NCKAP1: variants seen among roughly 807,000 people sequenced by gnomAD.
NCKAP1 encodes NCK associated protein 1, also known as nck-associated protein 1.
Under a neutral mutation model 151.2 loss-of-function variants are expected in NCKAP1, and 21 were observed. The observed-to-expected ratio is 0.14, with a 90% confidence interval of 0.10 to 0.20. NCKAP1 has a LOEUF of 0.20. Ranked by LOEUF, NCKAP1 falls within the 10% of genes least tolerant of loss-of-function variation. The probability of loss-of-function intolerance (pLI) is 1.00; values close to 1 mark genes in which losing one functional copy is unlikely to be tolerated. For missense variants in NCKAP1, 933 were observed against 1,352.1 expected (o/e 0.69, Z 4.86); for synonymous variants, 484 against 451.8 (o/e 1.07, Z -0.90).
rs1217927872 is a variant in NCKAP1 at position 182,912,968 on chromosome 2, C to T, written c.*12734G>A. The T allele has an allele frequency of 1.3e-5, 2 of 152,188 alleles. No individual in the cohort carries two copies. The highest frequency in any genetic ancestry group is 1.3e-4 in the Admixed American group (2 of 15,278). 9.4% of individuals were successfully genotyped at this position (152,188 alleles called of 1,614,324 possible). A position where few individuals can be genotyped will look rare whatever the true frequency, so the allele number is the denominator to read the frequency against. ...TCATACTAATTTTCCAATGCATTCA[C>T]CTATCCATTGGCCATGGTTACTATC... On this transcript the variant is annotated 3_prime_UTR_variant, in exon 31 of 31. Transcript: ENST00000361354.
At chr2:182,964,630 G>A (rs748506887) in intron 17 of NCKAP1, 46 bp downstream of exon 17, 1 of 1,454,430 alleles carries the variant, frequency 6.9e-7, no homozygotes, top group Non-Finnish European at 9.1e-7. Context: ...GTTTGATCTA[G>A]TTTACTTTGC....
At chr2:183,033,850 A>G (rs1699051786) in intron 1 of NCKAP1, among the ~76,000 whole-genome samples, 1 of 152,202 alleles carries the variant, frequency 6.6e-6, no homozygotes, top group South Asian at 2.1e-4. Context: ...AAAGATGGGC[A>G]GACAGTGAAT....
intron 1 of NCKAP1, among the ~76,000 whole-genome samples, chr2:183,036,109 C>A (rs909972860): frequency 1.3e-5 from 2 of 152,064 alleles, no homozygotes; most frequent in Non-Finnish European, 2.9e-5. Flanking sequence ...GAGGCTGAAG[C>A]TTCCCAAAAC....
chr2:182,916,967 A>G lies in NCKAP1; in HGVS notation c.*8735T>C, dbSNP rs1696477700. 6.6e-6 allele frequency: 1 copy of G among 152,176 alleles called. No homozygotes were observed. Among genetic ancestry groups the G allele is most frequent in the Non-Finnish European group, 1.5e-5 (1 of 68,042 alleles). 9.4% of individuals were successfully genotyped at this position (152,176 alleles called of 1,614,324 possible). On this transcript the variant is annotated 3_prime_UTR_variant, in exon 31 of 31. Transcript: ENST00000361354. ...GCATGAGTGGAAGTTCTGATATTATAATACTCATAAAAGCCATGAAAAAAC... is the reference window on the plus strand; with the variant it reads ...GCATGAGTGGAAGTTCTGATATTATGATACTCATAAAAGCCATGAAAAAAC...
chr2:182,959,432 C>T (rs34873881), intron 18 of NCKAP1, among the ~76,000 whole-genome samples: 15,524 of 152,116 alleles, frequency 0.1, 1,112 homozygotes, highest in African/African-American at 0.2. Context: ...GCTGGTTCAA[C>T]ATATGCAAAT....
intron 2 of NCKAP1, among the ~76,000 whole-genome samples, chr2:183,005,609 T>C (rs1386177629): frequency 6.6e-6 from 1 of 152,102 alleles, no homozygotes; most frequent in Non-Finnish European, 1.5e-5. Flanking sequence ...CCCAAAGCCA[T>C]ATATAACTAG....
At chr2:183,022,225 T>G (rs1342805012) in intron 2 of NCKAP1, among the ~76,000 whole-genome samples, 1 of 152,164 alleles carries the variant, frequency 6.6e-6, no homozygotes, top group African/African-American at 2.4e-5. Flanking sequence ...TAAACTAAGC[T>G]TCAAAGATTC....
At chr2:182,993,924 A>G (rs1337619971) in intron 8 of NCKAP1, among the ~76,000 whole-genome samples, 1 of 152,236 alleles carries the variant, frequency 6.6e-6, no homozygotes, top group Non-Finnish European at 1.5e-5. Context: ...ACAAGCTATT[A>G]GAAGTCATAG....
chr2:183,007,082 A>G (rs894309089), intron 2 of NCKAP1, among the ~76,000 whole-genome samples: 1 of 152,134 alleles, frequency 6.6e-6, no homozygotes, highest in Non-Finnish European at 1.5e-5. Context: ...CGTGTCGGTC[A>G]GGCTGGTCTC....
chr2:183,012,462 T>C (rs1017893514), intron 2 of NCKAP1, among the ~76,000 whole-genome samples: 8 of 152,172 alleles, frequency 5.3e-5, no homozygotes, highest in Non-Finnish European at 8.8e-5. Flanking sequence ...GGACATCTGT[T>C]GTTCTTGGGA....
At position 182,971,372 on chromosome 2, in the gene NCKAP1, C is replaced by A. The variant is rs1417379959; in HGVS notation, c.1483-4011G>T. On this transcript the variant is annotated intron_variant, in intron 15 of 30. Transcript: ENST00000361354. ...TCCCACCACTGCACTCCAGCCTGGGCGACAGAGCGAGACTCCGTCTCAAAA... is the reference window on the plus strand; with the variant it reads ...TCCCACCACTGCACTCCAGCCTGGGAGACAGAGCGAGACTCCGTCTCAAAA... Among the ~76,000 whole-genome samples, 3 of 122,206 alleles carry A rather than the reference C, an allele frequency of 2.5e-5. No homozygotes were observed. In the South Asian group the frequency reaches 7.7e-4, roughly 32 times the overall value. The allele number at this position is 122,206 out of a possible 152,430, so 80.2% of individuals were successfully genotyped here. A position where few individuals can be genotyped will look rare whatever the true frequency, so the allele number is the denominator to read the frequency against.
At chr2:182,947,807 AG>A (rs1697138203) in intron 23 of NCKAP1, among the ~76,000 whole-genome samples, 1 of 152,208 alleles carries the variant, frequency 6.6e-6, no homozygotes, top group African/African-American at 2.4e-5. Flanking sequence ...TCAATGAGAC[AG>A]ACTAGTATAC....
chr2:183,024,920 A>G (rs1698867280), intron 1 of NCKAP1: 1 of 1,590,600 alleles, frequency 6.3e-7, no homozygotes, highest in Non-Finnish European at 8.6e-7. Context: ...GTTATGAAAC[A>G]TGAAACTGAT....
In NCKAP1 at chr2:183,003,322, G is replaced by C; in HGVS notation, c.223C>G (p.Gln75Glu). ...PAVETRNNNQ[Q>E]LAQLQKEKSE... ...TTTTCTTTCTGTAGTTGTGCAAGCT[G>C]TTGCTGTAAAAACAAAATTAGAATG... The change falls in exon 3 of 31, where the codon CAG becomes GAG. Residue 75 changes from glutamine (Q) to glutamate (E), a missense_variant. Physicochemically the swap from Gln to Glu is conservative, Grantham distance 29. Transcript: ENST00000361354. 1 of 1,587,428 alleles carries C rather than the reference G, an allele frequency of 6.3e-7. No homozygotes were observed. Among genetic ancestry groups the C allele is most frequent in the Non-Finnish European group, 8.6e-7 (1 of 1,167,178 alleles).
At chr2:182,962,380 C>G in intron 17 of NCKAP1, 102 bp from the exon 18 acceptor site, 3 of 1,131,140 alleles carry the variant, frequency 2.7e-6, no homozygotes, top group Non-Finnish European at 3.6e-6. Context: ...AAGGTACATT[C>G]CGCAATAGTG....
chr2:182,987,167 G>C (rs1313443079), intron 9 of NCKAP1, among the ~76,000 whole-genome samples: 1 of 152,078 alleles, frequency 6.6e-6, no homozygotes. Context: ...ACTTGATGCC[G>C]TGAGGCAGAG....
At chr2:182,968,660 A>G (rs1477614925) in intron 15 of NCKAP1, among the ~76,000 whole-genome samples, 3 of 152,212 alleles carry the variant, frequency 2.0e-5, no homozygotes, top group Admixed American at 6.5e-5. Context: ...GCTCCTCTGT[A>G]CCACACCTGC....
At chr2:182,984,405 TTTTAGAATTTAGA>T (rs1698005615) in intron 10 of NCKAP1, among the ~76,000 whole-genome samples, 4 of 129,242 alleles carry the variant, frequency 3.1e-5, no homozygotes, top group African/African-American at 1.1e-4. Context: ...TCCAAGAAAG[TTTTAGAATTTAGA>T]TTGGGGTGTG....
chr2:182,952,572 A>G (rs1453779291), intron 22 of NCKAP1, 70 bp from the exon 23 acceptor site: 7 of 1,212,030 alleles, frequency 5.8e-6, no homozygotes, highest in African/African-American at 4.6e-5. Flanking sequence ...ACATTAACAC[A>G]ATACAACATC....
Sources: allele counts gnomAD v4.1 joint callset (sites outside exome capture counted in the v4.1 genomes callset), GRCh38; gene constraint gnomAD v4.1.1; transcripts MANE v1.5; gene names NCBI Gene and HGNC (gene_info 2026-07-23, HGNC 2026-07-21).